ACKR2: variants seen among roughly 807,000 people sequenced by gnomAD.
The protein encoded by ACKR2 is C-C chemokine receptor D6.
For missense variants in ACKR2, 457 were observed against 477.3 expected (o/e 0.96, Z 0.40); for synonymous variants, 207 against 192.2 (o/e 1.08, Z -0.64).
chr3:42,827,920 A>G (rs1280093020), intron 2 of ACKR2, among the ~76,000 whole-genome samples: 1 of 152,044 alleles, frequency 6.6e-6, no homozygotes, highest in Non-Finnish European at 1.5e-5. Flanking sequence ...GCAGAGCAAG[A>G]AAAATGAATT....
intron 2 of ACKR2, among the ~76,000 whole-genome samples, chr3:42,853,015 G>C (rs945799841): frequency 6.6e-6 from 1 of 152,120 alleles, no homozygotes; most frequent in Non-Finnish European, 1.5e-5. Context: ...CTTCACGAGG[G>C]AGCCAGGAAG....
rs1469717685 is a variant in ACKR2 at position 42,852,268 on chromosome 3, C to T, written c.-37-12198C>T. ...GGGATAGTGGGGTTTCATTTTCATGCTGAAATACACACGCAAGGAGTTCTC... is the reference window on the plus strand; with the variant it reads ...GGGATAGTGGGGTTTCATTTTCATGTTGAAATACACACGCAAGGAGTTCTC... On this transcript the variant is annotated intron_variant, in intron 2 of 2. Transcript: ENST00000422265. This position sits in a 1 kb window ranked among gnomAD's most constrained non-coding sequence, Gnocchi z 4.3. 6.6e-6 allele frequency: 1 copy of T among 152,182 alleles called. No homozygotes were observed. The highest frequency in any genetic ancestry group is 1.5e-5 in the Non-Finnish European group (1 of 68,070). The allele number at this position is 152,182 out of a possible 1,614,324, so 9.4% of individuals were successfully genotyped here.
intron 2 of ACKR2, among the ~76,000 whole-genome samples, chr3:42,829,216 C>A (rs369904276): frequency 6.6e-6 from 1 of 152,246 alleles, no homozygotes; most frequent in African/African-American, 2.4e-5. Flanking sequence ...AGGTGGCAAA[C>A]GTGGACTTTG....
At chr3:42,824,683 A>G (rs1700844619) in intron 2 of ACKR2, among the ~76,000 whole-genome samples, 1 of 152,194 alleles carries the variant, frequency 6.6e-6, no homozygotes, top group Admixed American at 6.5e-5. Context: ...TATTCCTTTT[A>G]AATGGCTGAA....
intron 2 of ACKR2, among the ~76,000 whole-genome samples, chr3:42,844,662 C>T (rs893421927): frequency 2.6e-5 from 4 of 152,258 alleles, no homozygotes; most frequent in Admixed American, 2.0e-4. Flanking sequence ...CCAGGGGATT[C>T]CAAAGGTGCC....
chr3:42,820,628 A>G (rs1700800389), intron 2 of ACKR2, among the ~76,000 whole-genome samples: 1 of 150,642 alleles, frequency 6.6e-6, no homozygotes, highest in Non-Finnish European at 1.5e-5. Context: ...AATCTGCCCA[A>G]CCCAACAGTC....
intron 2 of ACKR2, among the ~76,000 whole-genome samples, chr3:42,822,940 C>G (rs1321614855): frequency 6.6e-6 from 1 of 151,946 alleles, no homozygotes; most frequent in Non-Finnish European, 1.5e-5. Context: ...AGGCTTGTGT[C>G]TCTTCCCCTC....
intron 2 of ACKR2, among the ~76,000 whole-genome samples, chr3:42,831,781 A>G (rs1317530818): frequency 4.6e-5 from 7 of 152,184 alleles, no homozygotes; most frequent in Non-Finnish European, 4.4e-5. Flanking sequence ...CAAATAGTCA[A>G]TACATCTTTA....
At chr3:42,835,761 A>T (rs1700982538) in intron 2 of ACKR2, 1 of 152,134 alleles carries the variant, frequency 6.6e-6, no homozygotes, top group African/African-American at 2.4e-5. Flanking sequence ...TGCATTAAAG[A>T]TCTTCTCTTT....
chr3:42,824,492 A>T (rs1331465876), intron 2 of ACKR2, among the ~76,000 whole-genome samples: 1 of 152,220 alleles, frequency 6.6e-6, no homozygotes, highest in Non-Finnish European at 1.5e-5. Flanking sequence ...AGTGACACAC[A>T]TTAGCTGTCA....
intron 2 of ACKR2, chr3:42,839,234 C>G (rs1355387330): frequency 1.3e-5 from 2 of 152,054 alleles, no homozygotes. Context: ...CGTGCCCCTT[C>G]TTTTGCTTGA....
chr3:42,828,099 T>G (rs1009708216), intron 2 of ACKR2, among the ~76,000 whole-genome samples: 2 of 146,080 alleles, frequency 1.4e-5, no homozygotes, highest in East Asian at 4.0e-4. Flanking sequence ...TATATTTTTT[T>G]TTTTTTCTTT....
At chr3:42,820,726 A>T (rs888025921) in intron 2 of ACKR2, among the ~76,000 whole-genome samples, 9 of 64,238 alleles carry the variant, frequency 1.4e-4, no homozygotes, top group East Asian at 1.6e-3. Context: ...AAATAACAGT[A>T]AAAAAAAAAA....
At position 42,856,262 on chromosome 3, in the gene ACKR2, A is replaced by T. The variant is rs937845175; in HGVS notation, c.-37-8204A>T. On this transcript the variant is annotated intron_variant, in intron 2 of 2. Coordinates refer to ENST00000422265, the MANE Select transcript of ACKR2 (RefSeq NM_001296.5). Reference sequence around the variant, plus strand: ...TGAGCTCCTGGGGTGGGGGCAGGTCATGTGTGGTTTCCACAGCATCTGGTC... The same window carrying T: ...TGAGCTCCTGGGGTGGGGGCAGGTCTTGTGTGGTTTCCACAGCATCTGGTC... The T allele has an allele frequency of 6.2e-6, 4 of 644,886 alleles. No homozygotes were observed. In the African/African-American group the frequency reaches 7.3e-5, roughly 12 times the overall value. 39.9% of individuals were successfully genotyped at this position (644,886 alleles called of 1,614,324 possible).
chr3:42,857,157 T>C (rs17239701), intron 2 of ACKR2, among the ~76,000 whole-genome samples: 7,754 of 152,170 alleles, frequency 0.051, 232 homozygotes, highest in South Asian at 0.12. Context: ...TGTCATCTAT[T>C]TGTACTCCTT....
chr3:42,853,531 C>G (rs996965276), intron 2 of ACKR2, among the ~76,000 whole-genome samples: 1 of 152,136 alleles, frequency 6.6e-6, no homozygotes, highest in Non-Finnish European at 1.5e-5. Flanking sequence ...TCCCAAGTAG[C>G]TGGGACTATA....
Position 42,810,859 on chromosome 3 carries a change from C to G in ACKR2, c.-119+1327C>G, listed in dbSNP as rs115071571. 3.1e-3 allele frequency among the ~76,000 whole-genome samples: 466 copies of G among 152,332 alleles called. 3 individuals are homozygous for G. The highest frequency in any genetic ancestry group is 0.011 in the African/African-American group (440 of 41,566). On this transcript the variant is annotated intron_variant, in intron 1 of 2. Coordinates refer to ENST00000422265, the MANE Select transcript of ACKR2 (RefSeq NM_001296.5). ...TAAGGGTGATTCCTAACACCGACTT[C>G]ATTTCCTCATTCCTTTTTTGAGATA...
At chr3:42,831,119 G>C (rs558267525) in intron 2 of ACKR2, among the ~76,000 whole-genome samples, 1 of 152,138 alleles carries the variant, frequency 6.6e-6, no homozygotes, top group Non-Finnish European at 1.5e-5. Flanking sequence ...GTGAGAAGAC[G>C]AGGCTTAAAG....
At chr3:42,825,123 T>G (rs1373442142) in intron 2 of ACKR2, among the ~76,000 whole-genome samples, 3 of 152,308 alleles carry the variant, frequency 2.0e-5, no homozygotes, top group Admixed American at 6.5e-5. Context: ...GACTTTGTAG[T>G]AAGTTTTGAA....
Sources: allele counts gnomAD v4.1 joint callset (sites outside exome capture counted in the v4.1 genomes callset), GRCh38; gene constraint gnomAD v4.1.1; non-coding constraint Gnocchi (gnomAD v3.1); transcripts MANE v1.5; gene names NCBI Gene and HGNC (gene_info 2026-07-23, HGNC 2026-07-21).